The following FTCDNL1 variants were observed in gnomAD, a reference collection of about 807,000 sequenced individuals.
FTCDNL1 encodes the protein formiminotransferase cyclodeaminase N-terminal like.
FTCDNL1 carries 11 observed loss-of-function variants against 5.9 expected under a neutral mutation model. That is an observed-to-expected ratio of 1.87 (90% CI 1.18 to 3.10). The LOEUF (loss-of-function observed/expected upper bound fraction) is 3.10, where lower values mean the gene tolerates loss of function less well. Among genes scored for constraint, FTCDNL1 ranks in the 30% most tolerant of loss-of-function variants. The pLI, the probability that FTCDNL1 is intolerant of heterozygous loss-of-function variation, is 0.00. For missense variants in FTCDNL1, 115 were observed against 65.5 expected (o/e 1.76, Z -2.61); for synonymous variants, 58 against 24.8 (o/e 2.34, Z -3.99).
chr2:199,742,162 A>T, the FTCDNL1 span, among the ~76,000 whole-genome samples: 1 of 151,684 alleles, frequency 6.6e-6, no homozygotes, highest in African/African-American at 2.4e-5. Flanking sequence ...TTCTGTGTTC[A>T]TCTGATCCCC....
At chr2:199,700,122 A>T in the FTCDNL1 span, among the ~76,000 whole-genome samples, 2 of 152,232 alleles carry the variant, frequency 1.3e-5, no homozygotes, top group Non-Finnish European at 2.9e-5. Context: ...CTCTCTTCAT[A>T]GACAATATGA....
At chr2:199,750,171 T>C in the FTCDNL1 span, among the ~76,000 whole-genome samples, 1 of 151,436 alleles carries the variant, frequency 6.6e-6, no homozygotes, top group Non-Finnish European at 1.5e-5. Flanking sequence ...CTGGGCAACA[T>C]GGCAAGATCC....
At chr2:199,672,313 A>C in the FTCDNL1 span, among the ~76,000 whole-genome samples, 1 of 152,144 alleles carries the variant, frequency 6.6e-6, no homozygotes. Flanking sequence ...GGATATACAC[A>C]AAAAAATGGG....
At chr2:199,750,413 T>A in the FTCDNL1 span, among the ~76,000 whole-genome samples, 2 of 152,070 alleles carry the variant, frequency 1.3e-5, no homozygotes, top group African/African-American at 4.8e-5. Context: ...GCTCTATAGG[T>A]CAATCCTATA....
chr2:199,775,075 A>C (rs1451899349), intron 3 of FTCDNL1, among the ~76,000 whole-genome samples: 1 of 152,152 alleles, frequency 6.6e-6, no homozygotes, highest in East Asian at 1.9e-4. Flanking sequence ...TCCATGTTTC[A>C]CCTGACACCA....
intron 3 of FTCDNL1, among the ~76,000 whole-genome samples, chr2:199,796,997 T>C (rs1032997268): frequency 2.0e-5 from 3 of 151,974 alleles, no homozygotes; most frequent in Non-Finnish European, 4.4e-5. Context: ...GACCACTAGA[T>C]AACCCAGAAA....
chr2:199,775,824 C>T (rs1473882083), intron 3 of FTCDNL1, among the ~76,000 whole-genome samples: 1 of 152,110 alleles, frequency 6.6e-6, no homozygotes, highest in Non-Finnish European at 1.5e-5. Flanking sequence ...CTTCATTTGT[C>T]CCTCACAACC....
intron 3 of FTCDNL1, among the ~76,000 whole-genome samples, chr2:199,790,467 C>CAGCTGGAG (rs1699866840): frequency 6.9e-6 from 1 of 145,328 alleles, no homozygotes; most frequent in Non-Finnish European, 1.5e-5. Context: ...CACTGCACTC[C>CAGCTGGAG]AGCTGGGGTG....
chr2:199,753,373 CA>C, the FTCDNL1 span, among the ~76,000 whole-genome samples: 5 of 152,216 alleles, frequency 3.3e-5, no homozygotes, highest in African/African-American at 1.2e-4. Context: ...AGCGGACAGG[CA>C]CAGGACAGGG....
At chr2:199,758,881 G>A (rs944999217), downstream of FTCDNL1, among the ~76,000 whole-genome samples, 4 of 152,028 alleles carry the variant, frequency 2.6e-5, no homozygotes, top group African/African-American at 9.7e-5. Flanking sequence ...TGTACTGGAG[G>A]GAAAATGAAA....
intron 3 of FTCDNL1, among the ~76,000 whole-genome samples, chr2:199,799,507 A>G (rs1257143773): frequency 6.6e-6 from 1 of 152,196 alleles, no homozygotes; most frequent in Admixed American, 6.5e-5. Flanking sequence ...ACTTTAATCA[A>G]AGTGACATTT....
the FTCDNL1 span, among the ~76,000 whole-genome samples, chr2:199,700,137 A>C: frequency 6.6e-6 from 1 of 152,334 alleles, no homozygotes; most frequent in East Asian, 1.9e-4. Flanking sequence ...ATATGATTCT[A>C]TACCTAGAAA....
At chr2:199,697,148 T>C in the FTCDNL1 span, among the ~76,000 whole-genome samples, 1 of 152,220 alleles carries the variant, frequency 6.6e-6, no homozygotes, top group East Asian at 1.9e-4. Flanking sequence ...GGTGGGTGCC[T>C]GTAGTCCCAG....
the FTCDNL1 span, among the ~76,000 whole-genome samples, chr2:199,751,553 G>T: frequency 6.6e-6 from 1 of 152,018 alleles, no homozygotes; most frequent in Admixed American, 6.5e-5. Flanking sequence ...GACAGGTCAG[G>T]CACAGCCGTC....
At chr2:199,839,861 T>C (rs771206753) in intron 3 of FTCDNL1, among the ~76,000 whole-genome samples, 18 of 152,214 alleles carry the variant, frequency 1.2e-4, no homozygotes, top group Non-Finnish European at 2.1e-4. Flanking sequence ...GGTAGAATAA[T>C]GGCACTTTCC....
chr2:199,713,349 A>G, the FTCDNL1 span, among the ~76,000 whole-genome samples: 15,629 of 152,252 alleles, frequency 0.1, 1,093 homozygotes, highest in Middle Eastern at 0.24. Context: ...CAAGGAACAA[A>G]GGACAATGAT....
chr2:199,671,201 A>G, the FTCDNL1 span, among the ~76,000 whole-genome samples: 1 of 151,860 alleles, frequency 6.6e-6, no homozygotes, highest in Middle Eastern at 3.2e-3. Context: ...CTAGGAGCTC[A>G]CAGCCTAGTG....
chr2:199,798,586 T>A lies in FTCDNL1; in HGVS notation c.212-37751A>T, dbSNP rs571033656. ...CCCTCACTTCCTTGAAAGAGTAGCATGACCCTTCTTCTCATCCATCCCTTC... is the reference window on the plus strand; with the variant it reads ...CCCTCACTTCCTTGAAAGAGTAGCAAGACCCTTCTTCTCATCCATCCCTTC... On this transcript the variant is annotated intron_variant, in intron 3 of 3. Transcript: ENST00000416668. Among the ~76,000 whole-genome samples the A allele has an allele frequency of 3.3e-4, 51 of 152,320 alleles. 1 individual carries two copies. In the South Asian group the frequency reaches 0.01, roughly 31 times the overall value.
At chr2:199,668,856 G>A in the FTCDNL1 span, among the ~76,000 whole-genome samples, 1 of 152,116 alleles carries the variant, frequency 6.6e-6, no homozygotes, top group African/African-American at 2.4e-5. Context: ...AACTCGGGAA[G>A]AAAGGAGAAA....
Sources: gnomAD v4.1 joint callset for allele counts (sites outside exome capture counted in the v4.1 genomes callset) on GRCh38, gnomAD v4.1.1 for gene constraint, MANE v1.5 for transcripts, NCBI Gene and HGNC (gene_info 2026-07-23, HGNC 2026-07-21) for gene names.